The following CCDC91 variants were observed in gnomAD, a reference collection of about 807,000 sequenced individuals.
CCDC91 encodes the protein coiled-coil domain containing 91.
In CCDC91, 48 loss-of-function variants were observed where a neutral mutation model predicts 63.2. The ratio of observed to expected loss-of-function variants is 0.76; its 90% CI spans 0.60 to 0.97. CCDC91 has a LOEUF of 0.97. Among genes scored for constraint, CCDC91 ranks in the 50% least tolerant of loss-of-function variants. The probability of loss-of-function intolerance (pLI) is 0.00; values close to 1 mark genes in which losing one functional copy is unlikely to be tolerated. For synonymous variants in CCDC91, 167 were observed against 165.8 expected, an observed-to-expected ratio of 1.01 and a Z score of -0.06; for missense variants, 500 against 494.6, an observed-to-expected ratio of 1.01 and a Z score of -0.10.
At chr12:28,502,084 GA>G (rs1241543521) in intron 12 of CCDC91, among the ~76,000 whole-genome samples, 2 of 151,638 alleles carry the variant, frequency 1.3e-5, no homozygotes, top group Non-Finnish European at 2.9e-5. Flanking sequence ...GCGTCTATTT[GA>G]TTCTTCTCTC....
chr12:28,253,441 C>A (rs1946251662), intron 1 of CCDC91, among the ~76,000 whole-genome samples: 1 of 152,186 alleles, frequency 6.6e-6, no homozygotes, highest in Admixed American at 6.5e-5. Context: ...CAGTCTTCTG[C>A]TGTGGTGATA....
chr12:28,313,103 TTTTAA>T (rs1386715133), intron 6 of CCDC91, among the ~76,000 whole-genome samples: 1 of 152,024 alleles, frequency 6.6e-6, no homozygotes, highest in Non-Finnish European at 1.5e-5. Flanking sequence ...TATGGCAATT[TTTTAA>T]TATCAAGGTA....
chr12:28,332,368 G>T (rs1941584822), intron 6 of CCDC91, among the ~76,000 whole-genome samples: 1 of 152,136 alleles, frequency 6.6e-6, no homozygotes, highest in Non-Finnish European at 1.5e-5. Context: ...TTTTAAGGAA[G>T]ATATTGAAAA....
At position 28,259,461 on chromosome 12, in the gene CCDC91, T is replaced by G; in HGVS notation, c.109+19T>G. 1 of 1,454,038 alleles carries G rather than the reference T, an allele frequency of 6.9e-7. No individual in the cohort carries two copies. The highest frequency in any genetic ancestry group is 9.5e-7 in the Non-Finnish European group (1 of 1,053,226). 90.1% of individuals were successfully genotyped at this position (1,454,038 alleles called of 1,614,324 possible). ...CCTGCAGGTATTGGTATCCAGGAAT[T>G]AGGGTTTTTTTTTTTTTTTTTCCCA... is the stretch of plus-strand genomic sequence containing the variant. On this transcript the variant is annotated intron_variant, in intron 3 of 12. Coordinates refer to ENST00000536442, the MANE Select transcript of CCDC91 (RefSeq NM_018318.5).
chr12:28,218,959 T>A (rs2135631119), intron 1 of CCDC91, among the ~76,000 whole-genome samples: 1 of 152,298 alleles, frequency 6.6e-6, no homozygotes, highest in South Asian at 2.1e-4. Flanking sequence ...TTCTCTTAGG[T>A]CAATAGCTTG....
At chr12:28,307,840 A>G in intron 6 of CCDC91, 91 bp downstream of exon 6, 1 of 705,476 alleles carries the variant, frequency 1.4e-6, no homozygotes, top group South Asian at 1.7e-5. Context: ...TATCTTATGA[A>G]TGAAGAATCA....
intron 8 of CCDC91, among the ~76,000 whole-genome samples, chr12:28,441,682 CAT>C (rs1452681578): frequency 6.5e-5 from 9 of 139,266 alleles, no homozygotes; most frequent in East Asian, 2.0e-4. Flanking sequence ...ATATATATCT[CAT>C]GTGTATATAT....
rs191542887 is a variant in CCDC91, at chr12:28,480,587, A to T, written c.1102-3465A>T. On this transcript the variant is annotated intron_variant, in intron 11 of 12. Coordinates refer to ENST00000536442, the MANE Select transcript of CCDC91 (RefSeq NM_018318.5). The stretch of plus-strand genomic sequence containing the variant: ...AACTAGAACCCAGCATAACATGTGT[A>T]TCTCATCTTTGCACCTCTAGTTTAT... 1.6e-3 allele frequency among the ~76,000 whole-genome samples: 238 copies of T among 152,160 alleles called. 2 individuals are homozygous for T. Among genetic ancestry groups the T allele is most frequent in the African/African-American group, 5.0e-3 (209 of 41,540 alleles).
intron 11 of CCDC91, among the ~76,000 whole-genome samples, chr12:28,461,734 C>G (rs1307187260): frequency 1.3e-5 from 2 of 151,938 alleles, no homozygotes; most frequent in Non-Finnish European, 2.9e-5. Context: ...AGCTCTATGT[C>G]TTTCACACAC....
intron 1 of CCDC91, among the ~76,000 whole-genome samples, chr12:28,232,016 G>C (rs1944633205): frequency 6.6e-6 from 1 of 152,124 alleles, no homozygotes; most frequent in Non-Finnish European, 1.5e-5. Context: ...ATTCACTCCA[G>C]AAAGTCTGAA....
chr12:28,520,953 C>A (rs1300995388), intron 12 of CCDC91, among the ~76,000 whole-genome samples: 4 of 152,128 alleles, frequency 2.6e-5, no homozygotes, highest in Non-Finnish European at 4.4e-5. Flanking sequence ...GTACCAGTAC[C>A]ATGCTGTTTT....
chr12:28,216,106 T>A (rs1943547451), intron 1 of CCDC91, among the ~76,000 whole-genome samples: 3 of 152,078 alleles, frequency 2.0e-5, no homozygotes, highest in Non-Finnish European at 4.4e-5. Flanking sequence ...TCCTCTTTGA[T>A]CAAAAGCTTT....
chr12:28,289,801 C>T (rs1193686118), intron 3 of CCDC91, among the ~76,000 whole-genome samples: 1 of 148,790 alleles, frequency 6.7e-6, no homozygotes, highest in Non-Finnish European at 1.5e-5. Context: ...ACGCCATTCT[C>T]CTGCCTCAGC....
intron 12 of CCDC91, among the ~76,000 whole-genome samples, chr12:28,494,781 C>T (rs1952193245): frequency 6.6e-6 from 1 of 151,588 alleles, no homozygotes; most frequent in Non-Finnish European, 1.5e-5. Context: ...AAAGCATTTG[C>T]CAGATGAATA....
At chr12:28,503,491 T>C (rs1431389862) in intron 12 of CCDC91, among the ~76,000 whole-genome samples, 1 of 152,182 alleles carries the variant, frequency 6.6e-6, no homozygotes, top group East Asian at 1.9e-4. Flanking sequence ...TTGGTGGGAC[T>C]GTAAACTAGT....
At chr12:28,363,714 A>G (rs1944058740) in intron 7 of CCDC91, among the ~76,000 whole-genome samples, 1 of 151,804 alleles carries the variant, frequency 6.6e-6, no homozygotes, top group South Asian at 2.1e-4. Context: ...CGTCTCTATT[A>G]ATAATACAAA....
intron 8 of CCDC91, among the ~76,000 whole-genome samples, chr12:28,402,844 T>C (rs1370527463): frequency 1.3e-5 from 2 of 152,186 alleles, no homozygotes; most frequent in African/African-American, 4.8e-5. Context: ...GCTGAGAGTT[T>C]TTAATCATGA....
intron 3 of CCDC91, among the ~76,000 whole-genome samples, chr12:28,304,394 A>T: frequency 8.2e-6 from 1 of 122,598 alleles, no homozygotes; most frequent in East Asian, 2.5e-4. Flanking sequence ...AAAAAAAAAA[A>T]AAAAAAAGAA....
At chr12:28,393,852 T>C (rs1003970342) in intron 8 of CCDC91, among the ~76,000 whole-genome samples, 7 of 152,202 alleles carry the variant, frequency 4.6e-5, no homozygotes, top group African/African-American at 1.7e-4. Flanking sequence ...TGGCCTATTA[T>C]GGAGTTATTA....
Sources: gnomAD v4.1 joint callset for allele counts (sites outside exome capture counted in the v4.1 genomes callset) on GRCh38, gnomAD v4.1.1 for gene constraint, MANE v1.5 for transcripts, NCBI Gene and HGNC (gene_info 2026-07-23, HGNC 2026-07-21) for gene names.